RALGPS2: variants seen among roughly 807,000 people sequenced by gnomAD.
RALGPS2 encodes Ral GEF with PH domain and SH3 binding motif 2.
In RALGPS2, 43 loss-of-function variants were observed where a neutral mutation model predicts 86.8. The ratio of observed to expected loss-of-function variants is 0.50; its 90% confidence interval spans 0.39 to 0.64. The LOEUF is 0.64. Ranked by LOEUF, RALGPS2 falls within the 30% of genes least tolerant of loss-of-function variation. The pLI is 0.00. For missense variants in RALGPS2, 536 were observed against 694.6 expected (o/e 0.77, Z 2.57); for synonymous variants, 243 against 231.3 (o/e 1.05, Z -0.46).
chr1:178,730,479 T>C (rs1190200395), intron 1 of RALGPS2, among the ~76,000 whole-genome samples: 4 of 152,182 alleles, frequency 2.6e-5, no homozygotes, highest in Non-Finnish European at 4.4e-5. Context: ...GGAGTTGATT[T>C]CTTTTTATTT....
chr1:178,738,121 C>T (rs1207234083), intron 1 of RALGPS2, among the ~76,000 whole-genome samples: 3 of 150,780 alleles, frequency 2.0e-5, no homozygotes, highest in Non-Finnish European at 3.0e-5. Context: ...CTCAAATGTG[C>T]TGGCTAGGAA....
At chr1:178,750,668 TGA>T (rs1651600368) in intron 1 of RALGPS2, among the ~76,000 whole-genome samples, 1 of 152,244 alleles carries the variant, frequency 6.6e-6, no homozygotes, top group Admixed American at 6.5e-5. Context: ...TTAGGTTTTT[TGA>T]TGTTCGTATT....
At position 178,725,423 on chromosome 1, in the gene RALGPS2, G is replaced by C. The variant is rs967715425; in HGVS notation, c.-84+4G>C. 2 of 149,914 alleles carry C rather than the reference G, an allele frequency of 1.3e-5. No homozygotes were observed. The highest frequency in any genetic ancestry group is 2.5e-5 in the African/African-American group (1 of 40,598). The allele number at this position is 149,914 out of a possible 1,614,324, so 9.3% of individuals were successfully genotyped here. On this transcript the variant is annotated splice_donor_region_variant and intron_variant, in intron 1 of 19. Coordinates refer to ENST00000367635, the MANE Select transcript of RALGPS2 (RefSeq NM_152663.5). ...GGCGACGGCCGCGGCTGCACAGGTC[G>C]GTGGGCTCAGGCCGCGGGGCGGTGC...
chr1:178,833,786 G>C (rs12141302), intron 8 of RALGPS2, among the ~76,000 whole-genome samples: 6,887 of 152,202 alleles, frequency 0.045, 158 homozygotes, highest in Non-Finnish European at 0.057. Context: ...TGTTTTCTTA[G>C]AGTAGGACCA....
chr1:178,766,220 TGTTCTTC>T (rs1395470575), intron 1 of RALGPS2, among the ~76,000 whole-genome samples: 1 of 152,186 alleles, frequency 6.6e-6, no homozygotes, highest in East Asian at 1.9e-4. Context: ...TCACAATTTA[TGTTCTTC>T]GGCCATGGCT....
At chr1:178,857,119 T>C (rs1657640400) in intron 8 of RALGPS2, among the ~76,000 whole-genome samples, 1 of 152,178 alleles carries the variant, frequency 6.6e-6, no homozygotes, top group Non-Finnish European at 1.5e-5. Flanking sequence ...TTTAATTTCT[T>C]ATGTGGGAGT....
chr1:178,885,162 C>T lies in RALGPS2; in HGVS notation c.991C>T (p.Arg331Trp), dbSNP rs1401557973. The T allele has an allele frequency of 3.1e-6, 5 of 1,613,866 alleles. No homozygotes were observed. Among genetic ancestry groups the T allele is most frequent in the East Asian group, 2.2e-5 (1 of 44,856 alleles). Residue 331 changes from arginine (R) to tryptophan (W), a missense_variant, in exon 12 of 20, where the codon CGG (arginine) becomes TGG (tryptophan). By Grantham distance (101) the Arg-to-Trp change is moderately radical. This residue lies in a region of RALGPS2 where 309 missense variants were observed against 363.0 expected (regional missense o/e 0.85). Coordinates refer to ENST00000367635, the MANE Select transcript of RALGPS2 (RefSeq NM_152663.5). ...ALLPQTPPSP[R>W]NLIPHGHRKC... ...GCTCCCACAGACACCGCCATCCCCT[C>T]GGAATCTGATTCCACATGGACATAG...
At chr1:178,748,151 C>T (rs748859722) in intron 1 of RALGPS2, among the ~76,000 whole-genome samples, 6 of 151,906 alleles carry the variant, frequency 3.9e-5, no homozygotes, top group Non-Finnish European at 8.8e-5. Flanking sequence ...GAAACCCTGT[C>T]TCTGCTAAAA....
intron 4 of RALGPS2, among the ~76,000 whole-genome samples, chr1:178,795,267 A>C (rs924965735): frequency 6.6e-6 from 1 of 152,154 alleles, no homozygotes; most frequent in Admixed American, 6.6e-5. Context: ...TTATATCAAC[A>C]AACAGATATT....
intron 4 of RALGPS2, among the ~76,000 whole-genome samples, chr1:178,791,868 A>G (rs1168743474): frequency 6.6e-6 from 1 of 152,198 alleles, no homozygotes; most frequent in African/African-American, 2.4e-5. Context: ...GTTGTACTAT[A>G]TATCTCAGAA....
At chr1:178,884,971 C>T (rs1659411836) in intron 11 of RALGPS2, 105 bp from the exon 12 acceptor site, 1 of 1,128,486 alleles carries the variant, frequency 8.9e-7, no homozygotes, top group Admixed American at 3.3e-5. Flanking sequence ...TTAAATAGAA[C>T]TAACATCAGT....
At chr1:178,813,114 G>C (rs757977327) in intron 6 of RALGPS2, among the ~76,000 whole-genome samples, 21 of 151,782 alleles carry the variant, frequency 1.4e-4, no homozygotes, top group Admixed American at 3.3e-4. Context: ...TGTATTTTTA[G>C]TAGAGATGGG....
At chr1:178,761,108 G>A (rs551811922) in intron 1 of RALGPS2, among the ~76,000 whole-genome samples, 5 of 151,658 alleles carry the variant, frequency 3.3e-5, no homozygotes, top group Non-Finnish European at 5.9e-5. Context: ...CCAGGTAGCT[G>A]ACATTACAGG....
chr1:178,774,169 G>A (rs1652959335), intron 1 of RALGPS2, among the ~76,000 whole-genome samples: 1 of 152,146 alleles, frequency 6.6e-6, no homozygotes, highest in Non-Finnish European at 1.5e-5. Context: ...CAGCTACTCA[G>A]GAGGCTGAGG....
intron 8 of RALGPS2, among the ~76,000 whole-genome samples, chr1:178,875,710 T>C (rs1012232781): frequency 4.6e-5 from 7 of 151,722 alleles, no homozygotes; most frequent in Non-Finnish European, 7.4e-5. Flanking sequence ...ATCGCACCAC[T>C]GCATTCCAGC....
intron 7 of RALGPS2, among the ~76,000 whole-genome samples, chr1:178,828,985 C>T (rs1217882965): frequency 1.3e-5 from 2 of 152,170 alleles, no homozygotes; most frequent in African/African-American, 4.8e-5. Context: ...TTCGTTGCAG[C>T]ATTATTCACA....
rs530852943 is a variant in RALGPS2, at chr1:178,782,574, G to A, written c.58-1844G>A. 2.6e-5 allele frequency among the ~76,000 whole-genome samples: 4 copies of A among 152,016 alleles called. No homozygotes were observed. In the East Asian group the frequency reaches 7.8e-4, roughly 30 times the overall value. On this transcript the variant is annotated intron_variant, in intron 2 of 19. Transcript: ENST00000367635. ...GGGGGACAGAGAAGCATTTGTGAAG[G>A]TCATAGCCTGGGGACACACTCAGTG...
intron 5 of RALGPS2, 92 bp downstream of exon 5, chr1:178,808,220 C>G: frequency 1.1e-6 from 1 of 902,392 alleles, no homozygotes; most frequent in Non-Finnish European, 1.8e-6. Flanking sequence ...TACATCAGTT[C>G]TGGAATATTT....
At chr1:178,868,351 T>A (rs1322968068) in intron 8 of RALGPS2, among the ~76,000 whole-genome samples, 1 of 151,944 alleles carries the variant, frequency 6.6e-6, no homozygotes, top group Non-Finnish European at 1.5e-5. Flanking sequence ...ATTTTTCCTA[T>A]ATATTTAATT....
Sources: gnomAD v4.1 joint callset for allele counts (sites outside exome capture counted in the v4.1 genomes callset) on GRCh38, gnomAD v4.1.1 for gene constraint, gnomAD v4.1.1 regional missense constraint, MANE v1.5 for transcripts, NCBI Gene and HGNC (gene_info 2026-07-23, HGNC 2026-07-21) for gene names.